BAZ2B: variants seen among roughly 807,000 people sequenced by gnomAD.
The protein encoded by BAZ2B is bromodomain adjacent to zinc finger domain 2B.
A neutral mutation model predicts 246.0 loss-of-function variants in BAZ2B; 91 were observed. The ratio of observed to expected loss-of-function variants is 0.37; its 90% CI spans 0.31 to 0.44. The LOEUF (loss-of-function observed/expected upper bound fraction) is 0.44. Ranked by LOEUF, BAZ2B falls within the 20% of genes least tolerant of loss-of-function variation. BAZ2B has a pLI of 1.00. For synonymous variants in BAZ2B, 855 were observed against 860.0 expected, an observed-to-expected ratio of 0.99 and a Z score of 0.10; for missense variants, 2,332 against 2,533.7, an observed-to-expected ratio of 0.92 and a Z score of 1.71.
At chr2:159,500,798 A>G (rs2081618769) in intron 2 of BAZ2B, among the ~76,000 whole-genome samples, 1 of 151,892 alleles carries the variant, frequency 6.6e-6, no homozygotes, top group Non-Finnish European at 1.5e-5. Flanking sequence ...TACTAAAAGT[A>G]CAAAAATTAG....
At chr2:159,496,549 A>G (rs1187468279) in intron 2 of BAZ2B, among the ~76,000 whole-genome samples, 1 of 149,940 alleles carries the variant, frequency 6.7e-6, no homozygotes, top group Non-Finnish European at 1.5e-5. Flanking sequence ...TTTGGAGGCC[A>G]AGGTGGGCGG....
chr2:159,651,061 A>T, the BAZ2B span, among the ~76,000 whole-genome samples: 7 of 150,958 alleles, frequency 4.6e-5, no homozygotes, highest in South Asian at 2.1e-4. Flanking sequence ...AAAATTCCTT[A>T]AAAAAACATT....
At chr2:159,356,763 A>G (rs1038165012) in intron 27 of BAZ2B, among the ~76,000 whole-genome samples, 3 of 152,158 alleles carry the variant, frequency 2.0e-5, no homozygotes, top group Non-Finnish European at 2.9e-5. Context: ...CTGTGGGACG[A>G]AGGTTCCAGA....
intron 1 of BAZ2B, among the ~76,000 whole-genome samples, chr2:159,613,136 T>C (rs1359364873): frequency 2.6e-5 from 4 of 152,162 alleles, no homozygotes; most frequent in Non-Finnish European, 5.9e-5. Context: ...AAAATCAGTA[T>C]CATAATGTTA....
At chr2:159,486,376 CAG>C (rs1047711073) in intron 2 of BAZ2B, among the ~76,000 whole-genome samples, 11 of 151,876 alleles carry the variant, frequency 7.2e-5, no homozygotes, top group African/African-American at 2.7e-4. Flanking sequence ...GAGAATCAAA[CAG>C]AAATCATATT....
At chr2:159,677,499 A>G in the BAZ2B span, among the ~76,000 whole-genome samples, 4 of 152,176 alleles carry the variant, frequency 2.6e-5, no homozygotes, top group African/African-American at 9.6e-5. Context: ...TATTTTTTAT[A>G]GTATCAAAGA....
chr2:159,577,914 TTA>T (rs1435854726), intron 1 of BAZ2B, among the ~76,000 whole-genome samples: 1 of 152,216 alleles, frequency 6.6e-6, no homozygotes, highest in East Asian at 1.9e-4. Context: ...ACTAGTTCAT[TTA>T]TGTTAGAGGA....
At chr2:159,621,904 G>A in the BAZ2B span, among the ~76,000 whole-genome samples, 1 of 152,096 alleles carries the variant, frequency 6.6e-6, no homozygotes, top group Non-Finnish European at 1.5e-5. Context: ...TCAAGAGTTC[G>A]AGACCAGCCT....
At chr2:159,316,689 CAAAAAAAAA>C (rs765748671), downstream of BAZ2B, among the ~76,000 whole-genome samples, 21 of 36,262 alleles carry the variant, frequency 5.8e-4, no homozygotes, top group South Asian at 1.5e-3. Flanking sequence ...GACTCCATCT[CAAAAAAAAA>C]AAAAAAAAAA....
intron 1 of BAZ2B, among the ~76,000 whole-genome samples, chr2:159,603,794 G>A (rs1306132619): frequency 6.6e-6 from 1 of 152,030 alleles, no homozygotes; most frequent in African/African-American, 2.4e-5. Flanking sequence ...TTAATCCAGT[G>A]GATTATTTTA....
At chr2:159,708,292 T>G in the BAZ2B span, among the ~76,000 whole-genome samples, 1 of 152,184 alleles carries the variant, frequency 6.6e-6, no homozygotes. Flanking sequence ...TGAGGCCTCA[T>G]GTACTTAAAA....
intron 27 of BAZ2B, among the ~76,000 whole-genome samples, chr2:159,354,465 C>T (rs1036402650): frequency 7.2e-5 from 11 of 152,100 alleles, no homozygotes; most frequent in Admixed American, 6.5e-5. Context: ...ATTCTCCTGC[C>T]TCAGTCTCCC....
chr2:159,581,843 G>A (rs1285453040), intron 1 of BAZ2B, among the ~76,000 whole-genome samples: 1 of 147,990 alleles, frequency 6.8e-6, no homozygotes, highest in African/African-American at 2.5e-5. Flanking sequence ...AACACCGCAT[G>A]TTCTCACTCA....
chr2:159,615,292 G>GAA (rs1695685267), intron 1 of BAZ2B: 1 of 146,752 alleles, frequency 6.8e-6, no homozygotes, highest in East Asian at 2.1e-4. Flanking sequence ...GGGCTGGGGG[G>GAA]AGGGGTAGCG....
Position 159,438,670 on chromosome 2 carries a change from G to A in BAZ2B, c.926C>T (p.Pro309Leu). The A allele has an allele frequency of 6.2e-7, 1 of 1,608,822 alleles. No homozygotes were observed. The highest frequency in any genetic ancestry group is 8.5e-7 in the Non-Finnish European group (1 of 1,178,796). Residue 309 changes from proline (P) to leucine (L), a missense_variant, in exon 8 of 37, where the codon CCA (proline) becomes CTA (leucine). By Grantham distance (98) the Pro-to-Leu change is moderately conservative (BLOSUM62 -3). This residue lies in a region of BAZ2B where 161 missense variants were observed against 225.8 expected (regional missense o/e 0.71). Coordinates refer to ENST00000392783, the MANE Select transcript of BAZ2B (RefSeq NM_013450.4). The part of the protein sequence containing the change: ...NQVLLHGISD[P>L]KADGQKATEK... ...AGTTGCTTTCTGTCCATCTGCTTTT[G>A]GGTCTGAAATACCATGTAATAGCAC...
At chr2:159,629,698 T>C in the BAZ2B span, among the ~76,000 whole-genome samples, 3 of 152,176 alleles carry the variant, frequency 2.0e-5, no homozygotes, top group East Asian at 5.8e-4. Flanking sequence ...AGGGGAGGGA[T>C]AGCATTAGGA....
At chr2:159,505,334 C>T (rs1559640593) in intron 2 of BAZ2B, among the ~76,000 whole-genome samples, 1 of 152,086 alleles carries the variant, frequency 6.6e-6, no homozygotes, top group African/African-American at 2.4e-5. Context: ...ATATTAGAAA[C>T]ACATGGGGGA....
At chr2:159,386,807 TCA>T (rs2062704416) in intron 21 of BAZ2B, among the ~76,000 whole-genome samples, 200 bp from the exon 22 acceptor site, 1 of 152,136 alleles carries the variant, frequency 6.6e-6, no homozygotes, top group South Asian at 2.1e-4. Flanking sequence ...TGAAGTATCT[TCA>T]TACAAGTAAG....
intron 34 of BAZ2B, among the ~76,000 whole-genome samples, chr2:159,327,801 C>T (rs967569915): frequency 1.3e-5 from 2 of 152,148 alleles, no homozygotes; most frequent in Non-Finnish European, 2.9e-5. Context: ...CGGTAACTCA[C>T]GCCTGTAATC....
Sources: gnomAD v4.1 joint callset for allele counts (sites outside exome capture counted in the v4.1 genomes callset) on GRCh38, gnomAD v4.1.1 for gene constraint, gnomAD v4.1.1 regional missense constraint, MANE v1.5 for transcripts, NCBI Gene and HGNC (gene_info 2026-07-23, HGNC 2026-07-21) for gene names.